The following SH3GLB1 variants were observed in gnomAD, a reference collection of about 807,000 sequenced individuals.
SH3GLB1 encodes SH3 domain containing GRB2 like, endophilin B1.
In SH3GLB1, 17 loss-of-function variants were observed where a neutral mutation model predicts 42.0. The ratio of observed to expected loss-of-function variants is 0.40; its 90% CI spans 0.28 to 0.61. The LOEUF (loss-of-function observed/expected upper bound fraction) is 0.61, where lower values mean the gene tolerates loss of function less well. Ranked by LOEUF, SH3GLB1 falls within the 20% of genes least tolerant of loss-of-function variation. SH3GLB1 has a pLI of 0.36. For synonymous variants in SH3GLB1, 132 were observed against 146.6 expected, an observed-to-expected ratio of 0.90 and a Z score of 0.72; for missense variants, 355 against 426.3, an observed-to-expected ratio of 0.83 and a Z score of 1.47.
chr1:86,726,394 TATA>T (rs1295997024), intron 5 of SH3GLB1, among the ~76,000 whole-genome samples: 1 of 152,104 alleles, frequency 6.6e-6, no homozygotes, highest in African/African-American at 2.4e-5. Context: ...AGAACCTAAA[TATA>T]ATAGTAGACC....
At chr1:86,722,067 G>A (rs1255724514) in intron 3 of SH3GLB1, among the ~76,000 whole-genome samples, 11 of 144,372 alleles carry the variant, frequency 7.6e-5, no homozygotes, top group Non-Finnish European at 1.5e-5. Context: ...GCCCAGGCTG[G>A]CCTTAAACTC....
chr1:86,732,321 C>T (rs1655554692), intron 5 of SH3GLB1, among the ~76,000 whole-genome samples: 1 of 152,190 alleles, frequency 6.6e-6, no homozygotes, highest in Non-Finnish European at 1.5e-5. Context: ...ATCATGTAGT[C>T]TAGTAGCAGT....
At chr1:86,739,220 A>G (rs1655936475) in intron 7 of SH3GLB1, among the ~76,000 whole-genome samples, 1 of 152,224 alleles carries the variant, frequency 6.6e-6, no homozygotes, top group African/African-American at 2.4e-5. Flanking sequence ...AATCTGTGAG[A>G]CTAGATAAAC....
rs1200896962 is a variant in SH3GLB1 at position 86,743,221 on chromosome 1, G to A, written c.1084G>A (p.Glu362Lys). 6.2e-7 allele frequency: 1 copy of A among 1,605,246 alleles called. No individual in the cohort carries two copies. The highest frequency in any genetic ancestry group is 1.7e-5 in the Admixed American group (1 of 57,570). ...GGGCAAGGTGCCAATTACCTACTTA[G>A]AACTGCTCAATTAAGTAGGTGGACT... ...QKGKVPITYLELLN is the reference protein window; with the variant it reads ...QKGKVPITYLKLLN The change falls in exon 9 of 9, where the codon GAA (glutamate) becomes AAA (lysine). Residue 362 changes from glutamate to lysine, a missense_variant. Coordinates refer to ENST00000370558, the MANE Select transcript of SH3GLB1 (RefSeq NM_016009.5).
chr1:86,725,466 T>C (rs910005197), intron 5 of SH3GLB1, among the ~76,000 whole-genome samples: 4 of 152,194 alleles, frequency 2.6e-5, no homozygotes, highest in Admixed American at 1.3e-4. Context: ...ATACTGTCTA[T>C]ATTATTCCAG....
chr1:86,708,925 C>A (rs776177817), intron 1 of SH3GLB1, among the ~76,000 whole-genome samples: 14 of 152,246 alleles, frequency 9.2e-5, no homozygotes, highest in Non-Finnish European at 1.3e-4. Flanking sequence ...TCTTAAGTGT[C>A]CTGTCTGCCT....
At position 86,747,611 on chromosome 1, in the gene SH3GLB1, G is replaced by A. The variant is rs906282942; in HGVS notation, c.*4376G>A. 6.6e-6 allele frequency: 1 copy of A among 152,190 alleles called. No homozygotes were observed. The highest frequency in any genetic ancestry group is 2.4e-5 in the African/African-American group (1 of 41,436). 9.4% of individuals were successfully genotyped at this position (152,190 alleles called of 1,614,324 possible). ...AGTATTGCTTAGAATGCCAGTACTT[G>A]TTTGCTGTGGAAGGTTTCTAGGAAT... On this transcript the variant is annotated 3_prime_UTR_variant, in exon 9 of 9. Transcript: ENST00000370558.
intron 5 of SH3GLB1, among the ~76,000 whole-genome samples, chr1:86,726,273 C>T (rs1655189274): frequency 6.6e-6 from 1 of 152,074 alleles, no homozygotes; most frequent in South Asian, 2.1e-4. Context: ...CAGGAATGAC[C>T]GTCTGCTTTT....
intron 8 of SH3GLB1, 152 bp from the exon 9 acceptor site, chr1:86,742,976 A>G (rs982464668): frequency 1.6e-6 from 1 of 643,292 alleles, no homozygotes; most frequent in Non-Finnish European, 2.6e-6. Context: ...ACTAATAATA[A>G]TAAATAAATC....
At chr1:86,740,751 C>T (rs1040133195) in intron 7 of SH3GLB1, among the ~76,000 whole-genome samples, 4 of 151,970 alleles carry the variant, frequency 2.6e-5, no homozygotes, top group Non-Finnish European at 2.9e-5. Context: ...GTTCGAGGAT[C>T]TAAGAGGCTA....
intron 2 of SH3GLB1, among the ~76,000 whole-genome samples, chr1:86,718,265 C>CA (rs746988772): frequency 1.3e-5 from 2 of 151,942 alleles, no homozygotes; most frequent in Non-Finnish European, 2.9e-5. Flanking sequence ...AGGCTGGTCT[C>CA]AAACTCCTGA....
intron 5 of SH3GLB1, among the ~76,000 whole-genome samples, chr1:86,728,902 G>T (rs548507344): frequency 7.9e-5 from 12 of 152,070 alleles, no homozygotes; most frequent in Non-Finnish European, 1.5e-4. Context: ...ACTCAACATA[G>T]AATTAATTTT....
intron 5 of SH3GLB1, among the ~76,000 whole-genome samples, chr1:86,727,872 T>C (rs1037510465): frequency 6.6e-6 from 1 of 152,020 alleles, no homozygotes; most frequent in Non-Finnish European, 1.5e-5. Context: ...CTTTAATCTG[T>C]AAACTCAATA....
chr1:86,746,577 GTC>G lies in SH3GLB1; in HGVS notation c.*3344_*3345del, dbSNP rs1343327336. ...TCTCCCATATTACGCTCATTAGAAA[GTC>G]TACTCAGGGCTGGGTGCCGTGGCTC... On this transcript the variant is annotated 3_prime_UTR_variant, in exon 9 of 9. Transcript: ENST00000370558. The G allele has an allele frequency of 6.6e-6, 1 of 152,214 alleles. No individual in the cohort carries two copies. The highest frequency in any genetic ancestry group is 2.4e-5 in the African/African-American group (1 of 41,428). 9.4% of individuals were successfully genotyped at this position (152,214 alleles called of 1,614,324 possible). A position where few individuals can be genotyped will look rare whatever the true frequency, so the allele number is the denominator to read the frequency against.
chr1:86,730,398 T>A (rs756809721), intron 5 of SH3GLB1: 8 of 983,376 alleles, frequency 8.1e-6, no homozygotes, highest in Non-Finnish European at 9.7e-6. Flanking sequence ...GCAGGCGAAA[T>A]GCTTGTTAAT....
In SH3GLB1 at chr1:86,744,502, G is replaced by C. The variant is rs933727032; in HGVS notation, c.*1267G>C. On this transcript the variant is annotated 3_prime_UTR_variant, in exon 9 of 9. Transcript: ENST00000370558. ...AAAATACAAGGTACTGTATTTGGGA[G>C]TCATGTAACTCCAGTTTTGGGAGTG... is the stretch of plus-strand genomic sequence containing the variant. 6.6e-6 allele frequency: 1 copy of C among 152,176 alleles called. No homozygotes were observed. Among genetic ancestry groups the C allele is most frequent in the African/African-American group, 2.4e-5 (1 of 41,434 alleles). 9.4% of individuals were successfully genotyped at this position (152,176 alleles called of 1,614,324 possible).
At chr1:86,729,980 AAG>A (rs1310608618) in intron 5 of SH3GLB1, 7 of 1,062,982 alleles carry the variant, frequency 6.6e-6, no homozygotes, top group East Asian at 2.6e-5. Context: ...GATTCTGAAA[AAG>A]AGTATGCCAT....
At chr1:86,728,260 A>T (rs931357800) in intron 5 of SH3GLB1, 17 of 418,210 alleles carry the variant, frequency 4.1e-5, no homozygotes, top group African/African-American at 3.3e-4. Flanking sequence ...ACAGAACAAT[A>T]AATGTAGTGG....
chr1:86,722,997 T>A (rs929791138), intron 4 of SH3GLB1, among the ~76,000 whole-genome samples: 1 of 152,224 alleles, frequency 6.6e-6, no homozygotes, highest in Admixed American at 6.5e-5. Context: ...ACCGTGTAGC[T>A]CTTCATTTTT....
Sources: allele counts gnomAD v4.1 joint callset (sites outside exome capture counted in the v4.1 genomes callset), GRCh38; gene constraint gnomAD v4.1.1; transcripts MANE v1.5; gene names NCBI Gene and HGNC (gene_info 2026-07-23, HGNC 2026-07-21).